Variants in RIPK1 observed in about 807,000 individuals in gnomAD.
The protein encoded by RIPK1 is receptor interacting serine/threonine kinase 1, also known as receptor-interacting serine/threonine-protein kinase 1.
A neutral mutation model predicts 62.4 loss-of-function variants in RIPK1; 27 were observed. The ratio of observed to expected loss-of-function variants is 0.43; its 90% CI spans 0.32 to 0.60. RIPK1 has a LOEUF of 0.60. Among genes scored for constraint, RIPK1 ranks in the 20% least tolerant of loss-of-function variants. RIPK1 has a pLI of 0.07. For missense variants in RIPK1, 735 were observed against 831.0 expected (o/e 0.88, Z 1.42); for synonymous variants, 287 against 303.2 (o/e 0.95, Z 0.55).
At chr6:3,070,346 C>T (rs1054050206) in intron 1 of RIPK1, among the ~76,000 whole-genome samples, 1 of 152,122 alleles carries the variant, frequency 6.6e-6, no homozygotes, top group African/African-American at 2.4e-5. Context: ...ATTTCCCATG[C>T]TTTAGTTGGA....
rs55782213 is a variant in RIPK1 at position 3,110,933 on chromosome 6, T to C, written c.1707T>C (p.Ala569=). 0.019 allele frequency: 30,807 copies of C among 1,612,766 alleles called. 383 individuals carry two copies. Among genetic ancestry groups the C allele is most frequent in the Non-Finnish European group, 0.021 (25,301 of 1,179,270 alleles). The part of the protein sequence containing the change: ...STNTNFKEEP[A]AKYQAIFDNT... ...ATACGAACTTCAAAGAAGAGCCAGC[T>C]GCTAAGTACCAAGCTATCTTTGGTA... Residue 569 remains alanine (A), a synonymous_variant, in exon 10 of 11, where the codon GCT becomes GCC. Coordinates refer to ENST00000259808, the MANE Select transcript of RIPK1 (RefSeq NM_001354930.2).
Position 3,110,781 on chromosome 6 carries a change from CTGTG to C in RIPK1, c.1577-18_1577-15del, listed in dbSNP as rs776387744. Reference sequence around the variant, plus strand: ...TTGCTTTTGATCTAGAATTACTTACCTGTGTGTTTCTCTCTATGCAGATGAATCT... The same window carrying C: ...TTGCTTTTGATCTAGAATTACTTACCTGTTTCTCTCTATGCAGATGAATCT... On this transcript the variant is annotated intron_variant, in intron 9 of 10. Transcript: ENST00000259808. 6.8e-7 allele frequency: 1 copy of C among 1,479,804 alleles called. No homozygotes were observed. The highest frequency in any genetic ancestry group is 9.3e-7 in the Non-Finnish European group (1 of 1,077,126). The allele number at this position is 1,479,804 out of a possible 1,614,324, so 91.7% of individuals were successfully genotyped here.
At chr6:3,093,986 G>T (rs1301464738) in intron 7 of RIPK1, among the ~76,000 whole-genome samples, 4 of 130,448 alleles carry the variant, frequency 3.1e-5, no homozygotes, top group Non-Finnish European at 6.3e-5. Flanking sequence ...TAACTGCAGA[G>T]CGCCTACCTG....
intron 7 of RIPK1, among the ~76,000 whole-genome samples, chr6:3,100,872 C>T (rs1190938738): frequency 4.6e-5 from 7 of 152,134 alleles, no homozygotes; most frequent in East Asian, 1.9e-4. Flanking sequence ...GGATTACAGG[C>T]GTGAGCCACC....
In RIPK1 at chr6:3,077,728, CTT is replaced by C. The variant is rs534780227; in HGVS notation, c.165-50_165-49del. 1.1e-4 allele frequency: 178 copies of C among 1,602,824 alleles called. 1 individual carries two copies. The South Asian group carries it at 1.9e-3, about 17-fold the overall frequency. On this transcript the variant is annotated intron_variant, in intron 2 of 10. Transcript: ENST00000259808. ...ATGTGTTGGAGGTGTGCACCAGGCT[CTT>C]GAGGCGCTGGCTCTGCCAGCCTCAG...
chr6:3,103,663 A>T (rs1307670067), intron 7 of RIPK1, among the ~76,000 whole-genome samples: 2 of 151,974 alleles, frequency 1.3e-5, no homozygotes, highest in African/African-American at 4.8e-5. Context: ...TTTACTCTTT[A>T]CTTTTGTTTG....
At chr6:3,085,445 T>C (rs765190672) in intron 6 of RIPK1, 37 bp downstream of exon 6, 42 of 1,601,508 alleles carry the variant, frequency 2.6e-5, no homozygotes, top group Non-Finnish European at 3.6e-5. Context: ...GGATGCATCC[T>C]GTGTGGTGAT....
chr6:3,085,175 G>A (rs1759623220), intron 5 of RIPK1, 84 bp from the exon 6 acceptor site: 1 of 1,487,896 alleles, frequency 6.7e-7, no homozygotes, highest in African/African-American at 1.4e-5. Flanking sequence ...CAGAGGCTGA[G>A]AAAAATGAGC....
chr6:3,100,162 C>G lies in RIPK1; in HGVS notation c.916-4063C>G, dbSNP rs575730006. On this transcript the variant is annotated intron_variant, in intron 7 of 10. Coordinates refer to ENST00000259808, the MANE Select transcript of RIPK1 (RefSeq NM_001354930.2). Reference sequence around the variant, plus strand: ...TTTGGCCTGGTGCAGTGGCTCATGCCTGTAATTCCAGCACTATGGGAGGCG... The same window carrying G: ...TTTGGCCTGGTGCAGTGGCTCATGCGTGTAATTCCAGCACTATGGGAGGCG... 3.3e-5 allele frequency among the ~76,000 whole-genome samples: 5 copies of G among 152,226 alleles called. No homozygotes were observed. The South Asian group carries it at 1.0e-3, about 32-fold the overall frequency.
chr6:3,111,527 C>T (rs1031953437), intron 10 of RIPK1, among the ~76,000 whole-genome samples: 1,414 of 130,540 alleles, frequency 0.011, 5 homozygotes, highest in Admixed American at 0.019. Flanking sequence ...TTTTTTTTTT[C>T]TGTAAAGGAA....
At chr6:3,086,901 G>C (rs2113624081) in intron 6 of RIPK1, among the ~76,000 whole-genome samples, 1 of 152,294 alleles carries the variant, frequency 6.6e-6, no homozygotes, top group Non-Finnish European at 1.5e-5. Flanking sequence ...CTGGTTGCTA[G>C]CCCCCATTCT....
chr6:3,077,898 T>G lies in RIPK1; in HGVS notation c.284T>G (p.Met95Arg). 6.2e-7 allele frequency: 1 copy of G among 1,614,164 alleles called. No individual in the cohort carries two copies. The highest frequency in any genetic ancestry group is 1.1e-5 in the South Asian group (1 of 91,080). ...AAGTACTCCCTGGTGATGGAGTACA[T>G]GGAGAAGGGCAACCTGATGCACGTG... is the stretch of plus-strand genomic sequence containing the variant. ...EGKYSLVMEY[M>R]EKGNLMHVLK... The change falls in exon 3 of 11, where the codon ATG (methionine) becomes AGG (arginine). Residue 95 changes from methionine (M) to arginine (R), a missense_variant. This residue lies in a region of RIPK1 where 671 missense variants were observed against 726.2 expected (regional missense o/e 0.92). Transcript: ENST00000259808.
chr6:3,084,946 C>T (rs1328001803), intron 5 of RIPK1, among the ~76,000 whole-genome samples: 1 of 152,198 alleles, frequency 6.6e-6, no homozygotes, highest in Non-Finnish European at 1.5e-5. Flanking sequence ...TCTCATTAAA[C>T]TGAGCTCCTA....
intron 9 of RIPK1, among the ~76,000 whole-genome samples, chr6:3,107,317 G>A (rs1313476024): frequency 6.6e-6 from 1 of 150,730 alleles, no homozygotes; most frequent in African/African-American, 2.4e-5. Context: ...AGCACTTTGG[G>A]AGGCCGAGGT....
Position 3,080,978 on chromosome 6 carries a change from G to A in RIPK1, c.322-1G>A. 1 of 1,613,336 alleles carries A rather than the reference G, an allele frequency of 6.2e-7. No individual in the cohort carries two copies. Among genetic ancestry groups the A allele is most frequent in the Non-Finnish European group, 8.5e-7 (1 of 1,179,594 alleles). On this transcript the variant is annotated splice_acceptor_variant, in intron 3 of 10. Coordinates refer to ENST00000259808, the MANE Select transcript of RIPK1 (RefSeq NM_001354930.2). LOFTEE classifies it high-confidence loss of function. ...CATAGACTTAATATCACTTGTTTTA[G>A]ATGAGTACTCCGCTTTCTGTAAAAG...
chr6:3,078,855 C>G (rs17548329), intron 3 of RIPK1, among the ~76,000 whole-genome samples: 4 of 151,478 alleles, frequency 2.6e-5, no homozygotes, highest in African/African-American at 9.7e-5. Flanking sequence ...GCTAATATGA[C>G]GTAGGAGAGT....
intron 1 of RIPK1, chr6:3,068,896 G>T (rs1164956758): frequency 6.1e-6 from 1 of 163,348 alleles, no homozygotes; most frequent in Admixed American, 6.5e-5. Context: ...GGGCGGCCGC[G>T]GGCTTCCCGG....
intron 6 of RIPK1, among the ~76,000 whole-genome samples, chr6:3,087,324 CCT>C (rs964536615): frequency 7.3e-5 from 11 of 151,350 alleles, no homozygotes; most frequent in African/African-American, 2.7e-4. Context: ...TAACCCCCAC[CCT>C]CTTTCTCTTT....
At chr6:3,107,722 A>G (rs1203666894) in intron 9 of RIPK1, among the ~76,000 whole-genome samples, 1 of 152,076 alleles carries the variant, frequency 6.6e-6, no homozygotes, top group Non-Finnish European at 1.5e-5. Flanking sequence ...CCAATATTTA[A>G]TGTGTCATTT....
Sources: allele counts gnomAD v4.1 joint callset (sites outside exome capture counted in the v4.1 genomes callset), GRCh38; gene constraint gnomAD v4.1.1; regional missense constraint gnomAD v4.1.1; transcripts MANE v1.5; gene names NCBI Gene and HGNC (gene_info 2026-07-23, HGNC 2026-07-21).